KCNMA1: variants seen among roughly 807,000 people sequenced by gnomAD.
KCNMA1 encodes potassium calcium-activated channel subfamily M alpha 1.
Under a neutral mutation model 140.0 loss-of-function variants are expected in KCNMA1, and 29 were observed. The ratio of observed to expected loss-of-function variants is 0.21; its 90% CI spans 0.15 to 0.28. The LOEUF (loss-of-function observed/expected upper bound fraction) is 0.28, where lower values mean the gene tolerates loss of function less well. KCNMA1 is among the 10% of genes least tolerant of loss of function. The pLI is 1.00. For missense variants in KCNMA1, 880 were observed against 1,602.2 expected (o/e 0.55, Z 7.70); for synonymous variants, 612 against 611.9 (o/e 1.00, Z 0.00).
At chr10:77,622,715 C>G (rs1047943740) in intron 1 of KCNMA1, among the ~76,000 whole-genome samples, 6 of 152,132 alleles carry the variant, frequency 3.9e-5, no homozygotes, top group Admixed American at 3.9e-4. Flanking sequence ...GATTAAATAA[C>G]AGAATAAACA....
intron 19 of KCNMA1, chr10:76,977,569 C>T: frequency 1.4e-6 from 1 of 702,962 alleles, no homozygotes; most frequent in Non-Finnish European, 2.6e-6. Flanking sequence ...TTGCTGACCC[C>T]TGCAGTAGTT....
chr10:76,874,659 T>C (rs1180259399), downstream of KCNMA1: 2 of 152,234 alleles, frequency 1.3e-5, no homozygotes, highest in African/African-American at 4.8e-5. Context: ...TTCCTGTTTA[T>C]TTAAAATCTT....
chr10:77,631,570 G>C (rs1053102201), intron 1 of KCNMA1, among the ~76,000 whole-genome samples: 3 of 152,182 alleles, frequency 2.0e-5, no homozygotes, highest in Non-Finnish European at 4.4e-5. Flanking sequence ...CTTTGGGAAG[G>C]AGGTCCTGGC....
exon 28 of KCNMA1, chr10:76,870,037 C>G (rs4980113): frequency 0.62 from 94,406 of 152,538 alleles, 30,104 homozygotes; most frequent in African/African-American, 0.79. Flanking sequence ...CCTGGGAATG[C>G]AACGTTTTTA....
chr10:77,169,712 T>G (rs2154097149), intron 5 of KCNMA1, among the ~76,000 whole-genome samples: 1 of 152,268 alleles, frequency 6.6e-6, no homozygotes, highest in African/African-American at 2.4e-5. Flanking sequence ...TCTGCTGTGC[T>G]CCCAATCTGG....
chr10:77,264,203 A>AT (rs1231557177), intron 2 of KCNMA1, among the ~76,000 whole-genome samples: 4 of 152,040 alleles, frequency 2.6e-5, no homozygotes, highest in Non-Finnish European at 5.9e-5. Flanking sequence ...TGGTCTCACC[A>AT]TTCTCCCTCT....
chr10:76,941,018 G>GAAGGAAGGAAGAAAGAAAGA (rs1554960623), intron 23 of KCNMA1, among the ~76,000 whole-genome samples: 21 of 38,256 alleles, frequency 5.5e-4, no homozygotes, highest in Admixed American at 9.5e-4. Context: ...AGGAAGGAAG[G>GAAGGAAGGAAGAAAGAAAGA]AAGAAAGAAA....
chr10:76,998,429 A>G (rs752229193), intron 19 of KCNMA1, among the ~76,000 whole-genome samples: 2 of 152,192 alleles, frequency 1.3e-5, no homozygotes, highest in Non-Finnish European at 2.9e-5. Context: ...AACTGCGACC[A>G]AAGCAAGCTC....
At chr10:77,479,067 A>G (rs941109629) in intron 1 of KCNMA1, among the ~76,000 whole-genome samples, 2 of 152,252 alleles carry the variant, frequency 1.3e-5, no homozygotes, top group African/African-American at 4.8e-5. Context: ...TGTTGTGATT[A>G]TGGGAGGTTT....
At position 77,439,087 on chromosome 10, in the gene KCNMA1, A is replaced by G. The variant is rs200327111; in HGVS notation, c.379-35064T>C. Among the ~76,000 whole-genome samples, 79 of 124,922 alleles carry G rather than the reference A, an allele frequency of 6.3e-4. 1 individual carries two copies. The highest frequency in any genetic ancestry group is 4.0e-3 in the Middle Eastern group (1 of 248). The allele number at this position is 124,922 out of a possible 152,430, so 82.0% of individuals were successfully genotyped here. On this transcript the variant is annotated intron_variant, in intron 1 of 27. Transcript: ENST00000286628. Reference sequence around the variant, plus strand: ...CTCTCTCAAAAAAAGAAAGAAAAGAAAAGAGAAGAGAAGAGAAGAGAAGAG... The same window carrying G: ...CTCTCTCAAAAAAAGAAAGAAAAGAGAAGAGAAGAGAAGAGAAGAGAAGAG...
chr10:77,552,764 G>T (rs2063168353), intron 1 of KCNMA1, among the ~76,000 whole-genome samples: 1 of 152,166 alleles, frequency 6.6e-6, no homozygotes, highest in South Asian at 2.1e-4. Context: ...ATCCAAAAAG[G>T]TTAGCCAGGC....
intron 23 of KCNMA1, among the ~76,000 whole-genome samples, chr10:76,925,635 A>G (rs16934032): frequency 0.071 from 10,846 of 152,246 alleles, 574 homozygotes; most frequent in Non-Finnish European, 0.11. Flanking sequence ...TTTTCATTAT[A>G]AACAGTTTCT....
chr10:77,566,810 G>A (rs1183900844), intron 1 of KCNMA1, among the ~76,000 whole-genome samples: 1 of 151,990 alleles, frequency 6.6e-6, no homozygotes, highest in Non-Finnish European at 1.5e-5. Flanking sequence ...AAAACAAAAT[G>A]GTCTTGCATT....
chr10:77,372,263 T>G lies in KCNMA1; in HGVS notation c.540+31599A>C, dbSNP rs986672823. Among the ~76,000 whole-genome samples, 3 of 152,186 alleles carry G rather than the reference T, an allele frequency of 2.0e-5. No homozygotes were observed. The South Asian group carries it at 6.2e-4, about 32-fold the overall frequency. ...TGGAATCACTCCAAAAGGACTAGAA[T>G]TTGTTTCCTGTTTTGCCCACGATTG... On this transcript the variant is annotated intron_variant, in intron 2 of 27. Coordinates refer to ENST00000286628, the MANE Select transcript of KCNMA1 (RefSeq NM_001161352.2).
At chr10:76,977,800 G>A (rs1169328727) in intron 19 of KCNMA1, 1 of 585,918 alleles carries the variant, frequency 1.7e-6, no homozygotes. Context: ...GAGGTCATGA[G>A]TCAGGTGAGT....
intron 5 of KCNMA1, among the ~76,000 whole-genome samples, chr10:77,178,619 C>A (rs926348034): frequency 6.6e-6 from 1 of 152,092 alleles, no homozygotes; most frequent in East Asian, 1.9e-4. Flanking sequence ...GCAGGAGAAT[C>A]GCTTGAACCC....
intron 1 of KCNMA1, among the ~76,000 whole-genome samples, chr10:77,526,240 C>T (rs1185595893): frequency 6.6e-6 from 1 of 152,214 alleles, no homozygotes; most frequent in African/African-American, 2.4e-5. Flanking sequence ...CTTTCCTCCC[C>T]CAACTCTGTT....
At chr10:76,974,973 C>A (rs796498674) in intron 19 of KCNMA1, among the ~76,000 whole-genome samples, 13 of 152,240 alleles carry the variant, frequency 8.5e-5, no homozygotes, top group African/African-American at 3.1e-4. Context: ...GTCATCAATC[C>A]TTGGTGATAA....
intron 5 of KCNMA1, among the ~76,000 whole-genome samples, chr10:77,137,169 A>T (rs2098058723): frequency 6.6e-6 from 1 of 152,070 alleles, no homozygotes; most frequent in South Asian, 2.1e-4. Context: ...GAGAGAAAAG[A>T]CTCTGGAGAT....
Sources: allele counts gnomAD v4.1 joint callset (sites outside exome capture counted in the v4.1 genomes callset), GRCh38; gene constraint gnomAD v4.1.1; transcripts MANE v1.5; gene names NCBI Gene and HGNC (gene_info 2026-07-23, HGNC 2026-07-21).